Variants in SLC24A2 observed in about 807,000 individuals in gnomAD.
The protein encoded by SLC24A2 is solute carrier family 24 member 2, also known as sodium/potassium/calcium exchanger 2.
A neutral mutation model predicts 62.0 loss-of-function variants in SLC24A2; 36 were observed. The ratio of observed to expected loss-of-function variants is 0.58; its 90% CI spans 0.44 to 0.77. The LOEUF is 0.77. SLC24A2 is among the 30% of genes least tolerant of loss of function. The probability of loss-of-function intolerance (pLI) is 0.00; values close to 1 mark genes in which losing one functional copy is unlikely to be tolerated. For missense variants in SLC24A2, 846 were observed against 817.9 expected, an observed-to-expected ratio of 1.03 and a Z score of -0.42; for synonymous variants, 358 against 294.0, an observed-to-expected ratio of 1.22 and a Z score of -2.23.
chr9:19,930,798 T>G, the SLC24A2 span, among the ~76,000 whole-genome samples: 1 of 152,220 alleles, frequency 6.6e-6, no homozygotes, highest in South Asian at 2.1e-4. Context: ...GCCAGAGACT[T>G]GCTGTAATTG....
chr9:19,860,822 C>T, the SLC24A2 span, among the ~76,000 whole-genome samples: 8 of 152,108 alleles, frequency 5.3e-5, no homozygotes, highest in African/African-American at 1.9e-4. Context: ...ATCGTGGGCC[C>T]GAGGTGGCAG....
chr9:19,597,140 G>T, intron 5 of SLC24A2, 89 bp downstream of exon 5: 1 of 862,406 alleles, frequency 1.2e-6, no homozygotes, highest in Non-Finnish European at 2.0e-6. Flanking sequence ...AAGTCATGCA[G>T]AGAGGAAAAA....
the SLC24A2 span, among the ~76,000 whole-genome samples, chr9:20,205,173 C>G: frequency 6.6e-6 from 1 of 152,120 alleles, no homozygotes; most frequent in Non-Finnish European, 1.5e-5. Context: ...AATAAACACA[C>G]TTTTTAAAAA....
At chr9:19,580,699 T>C (rs1836178710) in intron 5 of SLC24A2, among the ~76,000 whole-genome samples, 1 of 152,120 alleles carries the variant, frequency 6.6e-6, no homozygotes, top group South Asian at 2.1e-4. Context: ...GATTGAGAGG[T>C]AGGTAGATCT....
the SLC24A2 span, among the ~76,000 whole-genome samples, chr9:19,938,313 A>G: frequency 6.6e-6 from 1 of 152,162 alleles, no homozygotes; most frequent in South Asian, 2.1e-4. Flanking sequence ...GTTCTTTAAT[A>G]TACTATTTCC....
the SLC24A2 span, among the ~76,000 whole-genome samples, chr9:20,003,341 G>A: frequency 2.0e-4 from 31 of 152,238 alleles, no homozygotes; most frequent in Middle Eastern, 3.4e-3. Context: ...TTTCTCTGTC[G>A]ATATGGTGAG....
the SLC24A2 span, among the ~76,000 whole-genome samples, chr9:20,029,782 T>C: frequency 8.3e-4 from 126 of 152,252 alleles, no homozygotes; most frequent in South Asian, 5.0e-3. Flanking sequence ...TTAACCCTGA[T>C]ACTAGCTAGA....
At chr9:19,889,813 C>T in the SLC24A2 span, among the ~76,000 whole-genome samples, 1 of 152,164 alleles carries the variant, frequency 6.6e-6, no homozygotes, top group South Asian at 2.1e-4. Flanking sequence ...TTTTCTTTTG[C>T]TCCACGTGGA....
chr9:20,019,679 A>C, the SLC24A2 span, among the ~76,000 whole-genome samples: 1 of 152,206 alleles, frequency 6.6e-6, no homozygotes, highest in East Asian at 1.9e-4. Context: ...TTCCCGACTA[A>C]AACACCGAAA....
chr9:19,902,881 A>G, the SLC24A2 span, among the ~76,000 whole-genome samples: 3 of 152,210 alleles, frequency 2.0e-5, no homozygotes, highest in Admixed American at 6.5e-5. Flanking sequence ...TAGTAAACCA[A>G]TGTAGTTTTA....
At chr9:20,059,114 T>C in the SLC24A2 span, among the ~76,000 whole-genome samples, 6 of 152,198 alleles carry the variant, frequency 3.9e-5, no homozygotes, top group African/African-American at 1.4e-4. Flanking sequence ...TGTAAATATC[T>C]TCCCTTAAAA....
At chr9:20,267,246 A>G in the SLC24A2 span, among the ~76,000 whole-genome samples, 1 of 152,244 alleles carries the variant, frequency 6.6e-6, no homozygotes, top group South Asian at 2.1e-4. Context: ...TATTTACATC[A>G]TATAGCAAAT....
chr9:20,155,011 C>T, the SLC24A2 span, among the ~76,000 whole-genome samples: 4 of 151,592 alleles, frequency 2.6e-5, no homozygotes, highest in African/African-American at 9.7e-5. Context: ...AATTCCTTCA[C>T]TGATATTCCC....
chr9:19,785,026 G>T (rs1823120910), intron 2 of SLC24A2, among the ~76,000 whole-genome samples: 1 of 152,066 alleles, frequency 6.6e-6, no homozygotes, highest in Admixed American at 6.6e-5. Context: ...GTCTATGTAG[G>T]TATTTTGGCT....
chr9:19,889,653 C>T, the SLC24A2 span, among the ~76,000 whole-genome samples: 1 of 152,166 alleles, frequency 6.6e-6, no homozygotes, highest in African/African-American at 2.4e-5. Flanking sequence ...TTTATCCCTT[C>T]TTGTTTCTAT....
the SLC24A2 span, among the ~76,000 whole-genome samples, chr9:20,274,320 G>A: frequency 6.6e-6 from 1 of 152,110 alleles, no homozygotes; most frequent in African/African-American, 2.4e-5. Context: ...GGTTATGTGG[G>A]GGAAGAGGTG....
At chr9:19,650,173 T>A (rs1325655198) in intron 2 of SLC24A2, among the ~76,000 whole-genome samples, 1 of 152,162 alleles carries the variant, frequency 6.6e-6, no homozygotes, top group Non-Finnish European at 1.5e-5. Flanking sequence ...AATGTAAGCT[T>A]TTATTGGCAG....
At chr9:19,574,295 C>G (rs1401194295) in intron 6 of SLC24A2, among the ~76,000 whole-genome samples, 1 of 152,146 alleles carries the variant, frequency 6.6e-6, no homozygotes, top group African/African-American at 2.4e-5. Flanking sequence ...ATTCCTGAAT[C>G]AGAACATTTA....
At chr9:20,159,561 G>C in the SLC24A2 span, among the ~76,000 whole-genome samples, 2 of 151,622 alleles carry the variant, frequency 1.3e-5, no homozygotes, top group African/African-American at 4.8e-5. Context: ...AGGAAGAGTA[G>C]TATGTGTGAC....
Sources: gnomAD v4.1 joint callset for allele counts (sites outside exome capture counted in the v4.1 genomes callset) on GRCh38, gnomAD v4.1.1 for gene constraint, MANE v1.5 for transcripts, NCBI Gene and HGNC (gene_info 2026-07-23, HGNC 2026-07-21) for gene names.